The following TNNI3K variants were observed in gnomAD, a reference collection of about 807,000 sequenced individuals.
The protein encoded by TNNI3K is TNNI3 interacting kinase, also known as serine/threonine-protein kinase TNNI3K.
In TNNI3K, 140 loss-of-function variants were observed where a neutral mutation model predicts 114.5. That is an observed-to-expected ratio of 1.22 (90% CI 1.07 to 1.41). The LOEUF is 1.41. Ranked by LOEUF, TNNI3K falls within the 40% of genes most tolerant of loss-of-function variation. The pLI, the probability that TNNI3K is intolerant of heterozygous loss-of-function variation, is 0.00. For synonymous variants in TNNI3K, 347 were observed against 347.5 expected (o/e 1.00, Z 0.02); for missense variants, 1,125 against 1,007.6 (o/e 1.12, Z -1.58).
intron 17 of TNNI3K, among the ~76,000 whole-genome samples, chr1:74,409,430 A>C (rs1403501227): frequency 1.3e-5 from 2 of 151,228 alleles, no homozygotes; most frequent in Non-Finnish European, 2.9e-5. Flanking sequence ...TTAAGATTCC[A>C]TGCATAATAC....
intron 21 of TNNI3K, among the ~76,000 whole-genome samples, chr1:74,473,992 C>T (rs1477256159): frequency 1.3e-5 from 2 of 152,062 alleles, no homozygotes. Flanking sequence ...GTGACCTTGG[C>T]TGTTTTCTCC....
intron 17 of TNNI3K, chr1:74,378,895 A>C (rs931335777): frequency 3.3e-5 from 5 of 151,680 alleles, no homozygotes; most frequent in Admixed American, 6.6e-5. Context: ...TAGGTGTCTG[A>C]GTAATGGTTA....
chr1:74,300,346 T>A (rs778332172), intron 5 of TNNI3K, among the ~76,000 whole-genome samples: 3 of 152,212 alleles, frequency 2.0e-5, no homozygotes, highest in Non-Finnish European at 4.4e-5. Flanking sequence ...AGTCATTGTA[T>A]CAGAATCTCG....
At chr1:74,511,093 G>A (rs1171725026) in intron 23 of TNNI3K, among the ~76,000 whole-genome samples, 7 of 152,108 alleles carry the variant, frequency 4.6e-5, no homozygotes, top group Non-Finnish European at 1.0e-4. Flanking sequence ...TCACCATGTT[G>A]GCCAGGCTGG....
At chr1:74,541,507 A>G (rs1440903284) in intron 24 of TNNI3K, 1 of 152,186 alleles carries the variant, frequency 6.6e-6, no homozygotes, top group Admixed American at 6.6e-5. Flanking sequence ...TTTTTAATAG[A>G]CATAATATCT....
At position 74,367,929 on chromosome 1, in the gene TNNI3K, C is replaced by A; in HGVS notation, c.1286C>A (p.Pro429Gln). The A allele has an allele frequency of 6.3e-7, 1 of 1,575,368 alleles. No homozygotes were observed. ...CTAGATGGCTCCTATGTGTCTGTTC[C>A]ATCACCCTTGGGGAAGATTAAAAGC... ...PGGDGSYVSV[P>Q]SPLGKIKSMT... is the part of the protein sequence containing the mutation. Residue 429 changes from proline to glutamine, a missense_variant, in exon 13 of 25, where the codon CCA (proline) becomes CAA (glutamine). Pro to Gln is a moderately conservative substitution (Grantham distance 76, BLOSUM62 -1). Coordinates refer to ENST00000326637, the MANE Select transcript of TNNI3K (RefSeq NM_015978.3).
chr1:74,447,210 AT>A (rs1234193047), intron 20 of TNNI3K, among the ~76,000 whole-genome samples: 1 of 150,126 alleles, frequency 6.7e-6, no homozygotes, highest in Admixed American at 6.6e-5. Flanking sequence ...ATCCTCTTTT[AT>A]TTCTTTGAGC....
chr1:74,270,750 T>C (rs573067307), intron 4 of TNNI3K, among the ~76,000 whole-genome samples: 2 of 151,810 alleles, frequency 1.3e-5, no homozygotes, highest in African/African-American at 2.4e-5. Context: ...AGACCAAATA[T>C]TATAGAAGTT....
intron 5 of TNNI3K, among the ~76,000 whole-genome samples, chr1:74,280,210 G>A (rs555805099): frequency 2.0e-5 from 3 of 152,076 alleles, no homozygotes; most frequent in African/African-American, 7.2e-5. Context: ...GTGAAACCCC[G>A]TCTCTACTAA....
chr1:74,475,651 T>C (rs991217987), intron 21 of TNNI3K: 1 of 717,136 alleles, frequency 1.4e-6, no homozygotes, highest in African/African-American at 1.7e-5. Flanking sequence ...TAAGTGGCAG[T>C]TGCAGTATCC....
chr1:74,292,742 A>G (rs562188971), intron 5 of TNNI3K, among the ~76,000 whole-genome samples: 80 of 151,606 alleles, frequency 5.3e-4, no homozygotes, highest in African/African-American at 1.7e-3. Context: ...CATGTCTTTC[A>G]TATCTTTATT....
intron 5 of TNNI3K, among the ~76,000 whole-genome samples, chr1:74,321,339 T>C (rs981756536): frequency 5.3e-5 from 8 of 152,186 alleles, no homozygotes; most frequent in Non-Finnish European, 1.0e-4. Flanking sequence ...TCTTTTGTTC[T>C]CTGCTTCTTA....
intron 17 of TNNI3K, among the ~76,000 whole-genome samples, chr1:74,435,722 A>C (rs1429415557): frequency 6.6e-6 from 1 of 151,874 alleles, no homozygotes; most frequent in Non-Finnish European, 1.5e-5. Context: ...TCTGACTCTA[A>C]TACGCCCATG....
At chr1:74,351,270 T>C (rs1408104654) in intron 9 of TNNI3K, among the ~76,000 whole-genome samples, 2 of 151,438 alleles carry the variant, frequency 1.3e-5, no homozygotes, top group Non-Finnish European at 3.0e-5. Context: ...AAAATTCTTT[T>C]CTTTAAGAAT....
chr1:74,294,837 T>C (rs1033149096), intron 5 of TNNI3K, among the ~76,000 whole-genome samples: 1 of 151,990 alleles, frequency 6.6e-6, no homozygotes, highest in Non-Finnish European at 1.5e-5. Flanking sequence ...TTAAAAACCT[T>C]TTGTGCTTTT....
At chr1:74,391,485 A>C (rs1277181528) in intron 17 of TNNI3K, among the ~76,000 whole-genome samples, 1 of 152,216 alleles carries the variant, frequency 6.6e-6, no homozygotes, top group Admixed American at 6.5e-5. Flanking sequence ...AGGCAGACAC[A>C]GGTGAGATTT....
intron 17 of TNNI3K, chr1:74,372,427 A>T (rs906692471): frequency 1.1e-4 from 16 of 151,908 alleles, no homozygotes; most frequent in African/African-American, 3.9e-4. Context: ...GAGTGGTAGA[A>T]TCTTAAATAT....
At chr1:74,511,195 A>ATTTT (rs113121147) in intron 23 of TNNI3K, among the ~76,000 whole-genome samples, 1 of 144,300 alleles carries the variant, frequency 6.9e-6, no homozygotes, top group African/African-American at 2.5e-5. Context: ...TGCCCGGCCT[A>ATTTT]TTTTTTTTTT....
intron 23 of TNNI3K, among the ~76,000 whole-genome samples, chr1:74,534,364 CT>C: frequency 6.6e-6 from 1 of 152,162 alleles, no homozygotes; most frequent in East Asian, 1.9e-4. Flanking sequence ...CTGAAGTCTT[CT>C]TTGGAATGCA....
Sources: allele counts gnomAD v4.1 joint callset (sites outside exome capture counted in the v4.1 genomes callset), GRCh38; gene constraint gnomAD v4.1.1; transcripts MANE v1.5; gene names NCBI Gene and HGNC (gene_info 2026-07-23, HGNC 2026-07-21).